Variants in KRT79 observed in about 807,000 individuals in gnomAD.
KRT79 encodes keratin, type II cytoskeletal 79.
In KRT79, 51 loss-of-function variants were observed where a neutral mutation model predicts 49.0. That is an observed-to-expected ratio of 1.04 (90% CI 0.83 to 1.31). KRT79 has a LOEUF of 1.31. Ranked by LOEUF, KRT79 falls within the 40% of genes most tolerant of loss-of-function variation. The pLI is 0.00. For synonymous variants in KRT79, 312 were observed against 286.6 expected (o/e 1.09, Z -0.90); for missense variants, 728 against 688.0 (o/e 1.06, Z -0.65).
chr12:52,824,182 C>T lies in KRT79; in HGVS notation c.1020+16G>A. On this transcript the variant is annotated intron_variant, in intron 5 of 8. Transcript: ENST00000330553. ...CCGACCCCAGGCCTCACACCTGAGC[C>T]AGCTATGCCTCTCACCTTGGTCTGG... The T allele has an allele frequency of 6.2e-7, 1 of 1,614,158 alleles. No homozygotes were observed. The highest frequency in any genetic ancestry group is 1.1e-5 in the South Asian group (1 of 91,072).
intron 7 of KRT79, 150 bp from the exon 8 acceptor site, chr12:52,822,529 G>A: frequency 1.6e-6 from 1 of 639,056 alleles, no homozygotes; most frequent in South Asian, 2.1e-5. Context: ...ATAGGGCTGT[G>A]CCCAGGTCCA....
rs1940140180 is a variant in KRT79 at position 52,824,004 on chromosome 12, C to T, written c.1029G>A (p.Glu343=). ...AEAWYQTKYE[E]LQVTAGKHGD... ...CATGCTTCCCAGCAGTCACCTGCAG[C>T]TCCTCATACTGGGGACCAAAGAAGT... Residue 343 remains glutamate, a synonymous_variant, in exon 6 of 9, where the codon GAG becomes GAA. Coordinates refer to ENST00000330553, the MANE Select transcript of KRT79 (RefSeq NM_175834.3). The T allele has an allele frequency of 6.2e-7, 1 of 1,614,156 alleles. No individual in the cohort carries two copies. Among genetic ancestry groups the T allele is most frequent in the Non-Finnish European group, 8.5e-7 (1 of 1,180,022 alleles).
rs544231292 is a variant in KRT79 at position 52,823,160 on chromosome 12, A to G, written c.1223T>C (p.Leu408Pro). The G allele has an allele frequency of 1.2e-6, 2 of 1,614,150 alleles. No homozygotes were observed. Among genetic ancestry groups the G allele is most frequent in the South Asian group, 2.2e-5 (2 of 91,068 alleles). The change falls in exon 7 of 9, where the codon CTT (leucine) becomes CCT (proline). Residue 408 changes from leucine to proline, a missense_variant. Transcript: ENST00000330553. ...GTGCAGGGCCACATCCAGATCCCCA[A>G]GCTTCTTCTGAGCATCCTTGAGTGC... is the stretch of plus-strand genomic sequence containing the variant. ...ELALKDAQKK[L>P]GDLDVALHQA...
In KRT79 at chr12:52,821,611, G is replaced by A; in HGVS notation, c.*261C>T. On this transcript the variant is annotated 3_prime_UTR_variant, in exon 9 of 9. Coordinates refer to ENST00000330553, the MANE Select transcript of KRT79 (RefSeq NM_175834.3). ...TGAGAAATTCAGCCTCCTCTCGGTG[G>A]TCAAAAGGTCACCCCCAAGTCACCC... 1.9e-6 allele frequency: 1 copy of A among 519,450 alleles called. No individual in the cohort carries two copies. 32.2% of individuals were successfully genotyped at this position (519,450 alleles called of 1,614,324 possible).
chr12:52,833,685 T>C, intron 1 of KRT79, 99 bp downstream of exon 1: 2 of 943,258 alleles, frequency 2.1e-6, no homozygotes, highest in Non-Finnish European at 3.5e-6. Context: ...ACCACCACCC[T>C]AGTACAAGTG....
In KRT79 at chr12:52,830,355, A is replaced by G. The variant is rs2638501; in HGVS notation, c.699-63T>C. 4 of 1,461,864 alleles carry G rather than the reference A, an allele frequency of 2.7e-6. No homozygotes were observed. In the South Asian group the frequency reaches 4.5e-5, roughly 17 times the overall value. 90.6% of individuals were successfully genotyped at this position (1,461,864 alleles called of 1,614,324 possible). On this transcript the variant is annotated intron_variant, in intron 2 of 8. Coordinates refer to ENST00000330553, the MANE Select transcript of KRT79 (RefSeq NM_175834.3). ...GCTCTGCCTTTCAGGCATGGGACCC[A>G]CTCAGCCTTACAGAAGCCCTGATGG...
intron 5 of KRT79, 54 bp downstream of exon 5, chr12:52,824,144 T>C: frequency 6.2e-7 from 1 of 1,613,342 alleles, no homozygotes; most frequent in Non-Finnish European, 8.5e-7. Context: ...CCTCTCACGA[T>C]GGGAGATCTG....
chr12:52,823,094 T>C lies in KRT79; in HGVS notation c.1289A>G (p.Gln430Arg). The change falls in exon 7 of 9, where the codon CAG becomes CGG. Residue 430 changes from glutamine to arginine, a missense_variant. Gln to Arg is a conservative substitution (Grantham distance 43). Transcript: ENST00000330553. ...GGCCAGCTTGACATTCATCAGCTCC[T>C]GGTAGTCACGCAGCAGCCGTGTCAG... Reference protein sequence around the residue: ...EDLTRLLRDYQELMNVKLALD... With the variant: ...EDLTRLLRDYRELMNVKLALD... 6.2e-7 allele frequency: 1 copy of C among 1,614,160 alleles called. No homozygotes were observed. The highest frequency in any genetic ancestry group is 8.5e-7 in the Non-Finnish European group (1 of 1,180,012).
At chr12:52,827,088 C>T (rs1000700322) in intron 4 of KRT79, among the ~76,000 whole-genome samples, 4 of 152,192 alleles carry the variant, frequency 2.6e-5, no homozygotes, top group Admixed American at 2.0e-4. Flanking sequence ...TCCTTCATGC[C>T]TCCATGACAC....
chr12:52,833,592 A>G (rs920768500), intron 1 of KRT79, among the ~76,000 whole-genome samples, 192 bp downstream of exon 1: 3 of 152,122 alleles, frequency 2.0e-5, no homozygotes, highest in African/African-American at 7.2e-5. Flanking sequence ...CCGCACAGGC[A>G]CGGTGAAGAC....
In KRT79 at chr12:52,834,019, A is replaced by C. The variant is rs2638497; in HGVS notation, c.242T>G (p.Leu81Trp). 6.2e-7 allele frequency: 1 copy of C among 1,612,658 alleles called. No individual in the cohort carries two copies. Among genetic ancestry groups the C allele is most frequent in the Non-Finnish European group, 8.5e-7 (1 of 1,179,530 alleles). Reference protein sequence around the residue: ...ISVSVAGGALLGRALGGFGFG... With the variant: ...ISVSVAGGALWGRALGGFGFG... ...GCCAAAGCCCCCCAGAGCCCGCCCC[A>C]ACAAGGCCCCTCCGGCCACACTGAC... The change falls in exon 1 of 9, where the codon TTG becomes TGG. Residue 81 changes from leucine to tryptophan, a missense_variant. Transcript: ENST00000330553.
chr12:52,824,156 T>C, intron 5 of KRT79, 42 bp downstream of exon 5: 2 of 1,613,778 alleles, frequency 1.2e-6, no homozygotes, highest in Non-Finnish European at 1.7e-6. Context: ...GGAGATCTGA[T>C]CCGACCCCAG....
intron 8 of KRT79, 124 bp downstream of exon 8, chr12:52,822,221 G>T (rs769305201): frequency 7.7e-7 from 1 of 1,291,156 alleles, no homozygotes; most frequent in Admixed American, 2.0e-5. Flanking sequence ...AGGACCCTCT[G>T]AACCTGTCTC....
At chr12:52,831,319 G>T in intron 2 of KRT79, 87 bp downstream of exon 2, 1 of 1,306,480 alleles carries the variant, frequency 7.7e-7, no homozygotes, top group Non-Finnish European at 1.1e-6. Context: ...GTGGGCCTGG[G>T]ACCCTGGGAA....
chr12:52,826,161 A>T (rs17119571), intron 4 of KRT79, among the ~76,000 whole-genome samples: 5,855 of 151,998 alleles, frequency 0.039, 230 homozygotes, highest in Admixed American at 0.12. Flanking sequence ...TCAACCCGAA[A>T]CTTTTAAGAC....
intron 4 of KRT79, among the ~76,000 whole-genome samples, chr12:52,825,575 T>C (rs141158924): frequency 5.1e-4 from 78 of 152,064 alleles, no homozygotes; most frequent in African/African-American, 1.9e-3. Flanking sequence ...TAGACTAAAA[T>C]AGAGATAGGC....
intron 1 of KRT79, among the ~76,000 whole-genome samples, chr12:52,832,375 CA>C (rs796484819): frequency 1.3e-5 from 2 of 151,408 alleles, no homozygotes; most frequent in South Asian, 2.1e-4. Context: ...CATTTTTTCC[CA>C]AAAAAAACTT....
chr12:52,823,516 CA>C (rs1314991551), intron 6 of KRT79, among the ~76,000 whole-genome samples: 6 of 152,192 alleles, frequency 3.9e-5, no homozygotes, highest in Non-Finnish European at 8.8e-5. Context: ...TATTAGTAAC[CA>C]GGTGCTTCAT....
In KRT79 at chr12:52,821,614, A is replaced by ACCGGATCACT; in HGVS notation, c.*257_*258insAGTGATCCGG. 3 of 391,618 alleles carry ACCGGATCACT rather than the reference A, an allele frequency of 7.7e-6. No homozygotes were observed. Among genetic ancestry groups the ACCGGATCACT allele is most frequent in the Non-Finnish European group, 1.3e-5 (3 of 222,536 alleles). 24.3% of individuals were successfully genotyped at this position (391,618 alleles called of 1,614,324 possible). A position where few individuals can be genotyped will look rare whatever the true frequency, so the allele number is the denominator to read the frequency against. On this transcript the variant is annotated 3_prime_UTR_variant, in exon 9 of 9. Transcript: ENST00000330553. ...GAAATTCAGCCTCCTCTCGGTGGTC[A>ACCGGATCACT]AAAGGTCACCCCCAAGTCACCCAAG...
Sources: allele counts gnomAD v4.1 joint callset (sites outside exome capture counted in the v4.1 genomes callset), GRCh38; gene constraint gnomAD v4.1.1; transcripts MANE v1.5; gene names NCBI Gene and HGNC (gene_info 2026-07-23, HGNC 2026-07-21).